SP140L: variants seen among roughly 807,000 people sequenced by gnomAD.
SP140L encodes SP140 like nuclear body protein.
SP140L carries 64 observed loss-of-function variants against 84.3 expected under a neutral mutation model. That is an observed-to-expected ratio of 0.76 (90% CI 0.62 to 0.94). The LOEUF is 0.94. Ranked by LOEUF, SP140L falls within the 40% of genes least tolerant of loss-of-function variation. SP140L has a pLI of 0.00. For synonymous variants in SP140L, 242 were observed against 236.9 expected (o/e 1.02, Z -0.20); for missense variants, 628 against 692.5 (o/e 0.91, Z 1.05).
intron 14 of SP140L, among the ~76,000 whole-genome samples, chr2:230,398,473 A>G (rs889548497): frequency 2.7e-4 from 41 of 152,386 alleles, no homozygotes; most frequent in African/African-American, 9.9e-4. Flanking sequence ...TTGAGACTCA[A>G]TTGTGAACAT....
At position 230,357,928 on chromosome 2, in the gene SP140L, C is replaced by A. The variant is rs1333289718; in HGVS notation, c.231C>A (p.Gly77=). 6.2e-7 allele frequency: 1 copy of A among 1,613,890 alleles called. No homozygotes were observed. The highest frequency in any genetic ancestry group is 1.1e-5 in the South Asian group (1 of 91,076). The stretch of plus-strand genomic sequence containing the variant: ...AAAAGACATTTCCATTCCTTGAGGG[C>A]CTCCGCGATCGGGAACTCATCACAA... ...AIKKTFPFLE[G]LRDRELITNK... The change falls in exon 3 of 19, where the codon GGC becomes GGA. Residue 77 remains glycine (G), a synonymous_variant. Coordinates refer to ENST00000415673, the MANE Select transcript of SP140L (RefSeq NM_138402.6).
chr2:230,367,295 CTT>C (rs200306286), intron 5 of SP140L, among the ~76,000 whole-genome samples: 2 of 118,034 alleles, frequency 1.7e-5, no homozygotes, highest in Non-Finnish European at 1.7e-5. Flanking sequence ...TCTTTTTTTT[CTT>C]TTTTTTTTTT....
At chr2:230,343,012 A>G (rs932906150) in intron 2 of SP140L, among the ~76,000 whole-genome samples, 4 of 150,764 alleles carry the variant, frequency 2.7e-5, no homozygotes, top group Non-Finnish European at 5.9e-5. Context: ...ATAGCTATAA[A>G]CCTGATAGAA....
intron 2 of SP140L, among the ~76,000 whole-genome samples, chr2:230,353,681 G>A (rs556912400): frequency 5.9e-5 from 9 of 151,800 alleles, no homozygotes; most frequent in Non-Finnish European, 1.2e-4. Context: ...CAATATTGAC[G>A]ATACCTTCGA....
In SP140L at chr2:230,356,649, A is replaced by G. The variant is rs368627377; in HGVS notation, c.108-1156A>G. ...CATTGCTCTGTTCATTTTTCAAATA[A>G]CAAATCAGTTTTTAGCTGTGTGTCT... On this transcript the variant is annotated intron_variant, in intron 2 of 18. Coordinates refer to ENST00000415673, the MANE Select transcript of SP140L (RefSeq NM_138402.6). 3.7e-4 allele frequency among the ~76,000 whole-genome samples: 57 copies of G among 152,288 alleles called. 1 individual carries two copies. The highest frequency in any genetic ancestry group is 1.3e-3 in the African/African-American group (54 of 41,564).
intron 14 of SP140L, among the ~76,000 whole-genome samples, chr2:230,398,824 TG>T (rs1321337643): frequency 6.6e-6 from 1 of 152,194 alleles, no homozygotes; most frequent in African/African-American, 2.4e-5. Flanking sequence ...CCAGTGGCTG[TG>T]GAGGGTGGGC....
At chr2:230,376,784 AC>A (rs1412489985) in intron 7 of SP140L, among the ~76,000 whole-genome samples, 3 of 152,182 alleles carry the variant, frequency 2.0e-5, no homozygotes, top group Non-Finnish European at 4.4e-5. Context: ...AAAAAAAGGA[AC>A]AAACCTGGAG....
chr2:230,388,010 C>G (rs2061656851), intron 9 of SP140L, among the ~76,000 whole-genome samples: 1 of 152,158 alleles, frequency 6.6e-6, no homozygotes, highest in Non-Finnish European at 1.5e-5. Context: ...CTATGGAGCA[C>G]CTAATAGGGT....
chr2:230,342,533 T>C (rs1458497111), intron 2 of SP140L, among the ~76,000 whole-genome samples: 1 of 152,218 alleles, frequency 6.6e-6, no homozygotes, highest in East Asian at 1.9e-4. Context: ...CGTTTTTCTT[T>C]AATGGAAAGG....
rs537973870 is a variant in SP140L, at chr2:230,329,368, C to A, written c.107+537C>A. On this transcript the variant is annotated intron_variant, in intron 2 of 18. Transcript: ENST00000415673. Reference sequence around the variant, plus strand: ...TTTATCTTCCCCGTGGTCCTTTCATCTTTTCAGTTTTTTACTTTGAGTTCA... The same window carrying A: ...TTTATCTTCCCCGTGGTCCTTTCATATTTTCAGTTTTTTACTTTGAGTTCA... Among the ~76,000 whole-genome samples, 4 of 152,318 alleles carry A rather than the reference C, an allele frequency of 2.6e-5. No individual in the cohort carries two copies. The East Asian group carries it at 7.7e-4, about 29-fold the overall frequency.
At chr2:230,370,022 T>G (rs1296131770) in intron 5 of SP140L, among the ~76,000 whole-genome samples, 1 of 152,116 alleles carries the variant, frequency 6.6e-6, no homozygotes, top group Non-Finnish European at 1.5e-5. Flanking sequence ...TTTGCCCACC[T>G]CAGCCTCCCA....
chr2:230,357,542 G>A (rs895129145), intron 2 of SP140L, among the ~76,000 whole-genome samples: 1 of 152,110 alleles, frequency 6.6e-6, no homozygotes, highest in Admixed American at 6.5e-5. Context: ...ATGGTTAGGT[G>A]AAGATATCTT....
chr2:230,358,641 G>T (rs2060622014), intron 3 of SP140L, among the ~76,000 whole-genome samples: 1 of 152,174 alleles, frequency 6.6e-6, no homozygotes, highest in African/African-American at 2.4e-5. Flanking sequence ...GCCACTCATT[G>T]ATTGCCTGCT....
At chr2:230,358,887 C>A in intron 3 of SP140L, 77 bp from the exon 4 acceptor site, 1 of 1,186,178 alleles carries the variant, frequency 8.4e-7, no homozygotes, top group East Asian at 2.5e-5. Flanking sequence ...AATTCAGTAA[C>A]CATAAAATTT....
chr2:230,369,794 GTC>G (rs974662157), intron 5 of SP140L, among the ~76,000 whole-genome samples: 2 of 152,136 alleles, frequency 1.3e-5, no homozygotes, highest in Admixed American at 6.5e-5. Flanking sequence ...TTGAGACTGA[GTC>G]TCTCTCTCTG....
chr2:230,358,560 C>T (rs2060618260), intron 3 of SP140L, among the ~76,000 whole-genome samples: 2 of 152,136 alleles, frequency 1.3e-5, no homozygotes, highest in South Asian at 4.1e-4. Flanking sequence ...GAATGGTCAC[C>T]TAGTTTCTTT....
chr2:230,363,172 A>G (rs1385490899), intron 5 of SP140L, among the ~76,000 whole-genome samples: 2 of 152,186 alleles, frequency 1.3e-5, no homozygotes, highest in Admixed American at 6.5e-5. Context: ...TATCCTTTGG[A>G]TATATATTCA....
At chr2:230,367,883 G>T (rs965974792) in intron 5 of SP140L, among the ~76,000 whole-genome samples, 2 of 152,184 alleles carry the variant, frequency 1.3e-5, no homozygotes, top group Non-Finnish European at 1.5e-5. Context: ...TGTGAGCTGA[G>T]ATCACACCAC....
At chr2:230,386,381 T>G (rs1248531739) in intron 9 of SP140L, among the ~76,000 whole-genome samples, 1 of 152,216 alleles carries the variant, frequency 6.6e-6, no homozygotes, top group Non-Finnish European at 1.5e-5. Flanking sequence ...TCCCAACCAT[T>G]GGGACTTGAA....
Sources: gnomAD v4.1 joint callset for allele counts (sites outside exome capture counted in the v4.1 genomes callset) on GRCh38, gnomAD v4.1.1 for gene constraint, MANE v1.5 for transcripts, NCBI Gene and HGNC (gene_info 2026-07-23, HGNC 2026-07-21) for gene names.